The following TANC1 variants were observed in gnomAD, a reference collection of about 807,000 sequenced individuals.
TANC1 encodes the protein tetratricopeptide repeat, ankyrin repeat and coiled-coil containing 1.
In TANC1, 77 loss-of-function variants were observed where a neutral mutation model predicts 149.7. That is an observed-to-expected ratio of 0.51 (90% CI 0.43 to 0.62). TANC1 has a LOEUF of 0.62. Ranked by LOEUF, TANC1 falls within the 20% of genes least tolerant of loss-of-function variation. The probability of loss-of-function intolerance (pLI) is 0.00; values close to 1 mark genes in which losing one functional copy is unlikely to be tolerated. For missense variants in TANC1, 1,985 were observed against 2,321.8 expected, an observed-to-expected ratio of 0.85 and a Z score of 2.98; for synonymous variants, 854 against 925.0, an observed-to-expected ratio of 0.92 and a Z score of 1.39.
chr2:159,010,228 A>G (rs998152957), intron 2 of TANC1, among the ~76,000 whole-genome samples: 6 of 152,196 alleles, frequency 3.9e-5, no homozygotes, highest in Non-Finnish European at 8.8e-5. Flanking sequence ...CATTAGTAGT[A>G]AGATTCTTAT....
At chr2:159,161,969 C>T (rs1263330714) in intron 7 of TANC1, among the ~76,000 whole-genome samples, 1 of 152,224 alleles carries the variant, frequency 6.6e-6, no homozygotes, top group Non-Finnish European at 1.5e-5. Flanking sequence ...GCCATGGATA[C>T]TCTAGGGAAG....
At chr2:159,186,743 C>T (rs915131426) in intron 15 of TANC1, 159 bp from the exon 16 acceptor site, 4 of 824,220 alleles carry the variant, frequency 4.9e-6, no homozygotes, top group South Asian at 1.8e-5. Context: ...AGTGAAAGCT[C>T]GCATGTCCAG....
intron 2 of TANC1, among the ~76,000 whole-genome samples, chr2:159,027,918 C>T (rs78653432): frequency 0.018 from 2,761 of 152,196 alleles, 50 homozygotes; most frequent in Non-Finnish European, 0.03. Flanking sequence ...TATCACGCAG[C>T]GAGAGGGCAA....
At chr2:159,225,478 A>G in intron 23 of TANC1, 1 of 588,610 alleles carries the variant, frequency 1.7e-6, no homozygotes, top group South Asian at 2.1e-5. Context: ...TACTTTTTTC[A>G]GTAAAATAAC....
chr2:159,115,100 A>C (rs967516979), intron 4 of TANC1, among the ~76,000 whole-genome samples: 3 of 152,172 alleles, frequency 2.0e-5, no homozygotes, highest in South Asian at 2.1e-4. Context: ...AACAGTGAAG[A>C]CATTGAGGTG....
chr2:159,033,891 T>G (rs1298317237), intron 2 of TANC1, among the ~76,000 whole-genome samples: 4 of 152,208 alleles, frequency 2.6e-5, no homozygotes, highest in Non-Finnish European at 5.9e-5. Context: ...GTAGTTATCC[T>G]TGAATGCGTT....
chr2:159,017,120 C>T (rs1271479913), intron 2 of TANC1, among the ~76,000 whole-genome samples: 1 of 151,956 alleles, frequency 6.6e-6, no homozygotes, highest in Non-Finnish European at 1.5e-5. Flanking sequence ...TGATCTTTTC[C>T]CTTTTAGTCT....
chr2:159,188,517 C>T (rs200166192), intron 16 of TANC1, among the ~76,000 whole-genome samples: 17 of 152,374 alleles, frequency 1.1e-4, no homozygotes, highest in East Asian at 9.6e-4. Context: ...TGGCCAGCCG[C>T]AAGCTGTGGC....
In TANC1 at chr2:159,230,674, G is replaced by T; in HGVS notation, c.5248G>T (p.Glu1750Ter). Residue 1750 changes from glutamate to a stop codon, truncating the protein, a stop_gained, in exon 27 of 27, where the codon GAG (glutamate) becomes TAG (stop). Transcript: ENST00000263635. LOFTEE classifies it high-confidence loss of function. This position sits in a 1 kb window ranked among gnomAD's most constrained non-coding sequence, Gnocchi z 4.4. ...CCGCAGCTGGCACTGTCCGGCACCA[G>T]AGGGGCTGCTGACAAACACGTCTTC... Reference protein sequence around the residue: ...PSRSWHCPAPEGLLTNTSSAA... With the variant: ...PSRSWHCPAP 1 of 1,614,230 alleles carries T rather than the reference G, an allele frequency of 6.2e-7. No individual in the cohort carries two copies.
At position 159,232,504 on chromosome 2, in the gene TANC1, C is replaced by G. The variant is rs1461146004; in HGVS notation, c.*1492C>G. 6.6e-6 allele frequency: 1 copy of G among 152,592 alleles called. No individual in the cohort carries two copies. The highest frequency in any genetic ancestry group is 1.5e-5 in the Non-Finnish European group (1 of 68,006). 9.5% of individuals were successfully genotyped at this position (152,592 alleles called of 1,614,324 possible). The stretch of plus-strand genomic sequence containing the variant: ...TGTGTACAATTGTACTTTGTATGAA[C>G]AGCTTTATCATTTTTATAGGCTTTC... On this transcript the variant is annotated 3_prime_UTR_variant, in exon 27 of 27. Transcript: ENST00000263635.
intron 7 of TANC1, among the ~76,000 whole-genome samples, chr2:159,152,836 A>G (rs146477131): frequency 4.6e-5 from 7 of 152,272 alleles, no homozygotes; most frequent in Non-Finnish European, 8.8e-5. Context: ...TTTCTCTCTC[A>G]TTGAGATACA....
chr2:159,064,002 G>A (rs1395925357), intron 2 of TANC1, among the ~76,000 whole-genome samples: 5 of 152,138 alleles, frequency 3.3e-5, no homozygotes, highest in Non-Finnish European at 7.4e-5. Context: ...TGGTGCAAGG[G>A]ACCTTGCATG....
chr2:159,063,908 G>A (rs13010485), intron 2 of TANC1, among the ~76,000 whole-genome samples: 4,611 of 152,188 alleles, frequency 0.03, 103 homozygotes, highest in South Asian at 0.049. Context: ...GTGATTAATC[G>A]GGAGCAGCTC....
At chr2:159,211,195 G>A (rs2058960369) in intron 19 of TANC1, among the ~76,000 whole-genome samples, 2 of 152,180 alleles carry the variant, frequency 1.3e-5, no homozygotes, top group Admixed American at 6.5e-5. Flanking sequence ...TAAAATGAAC[G>A]TCTGCCATTA....
At chr2:159,207,725 A>AAAAAAAAAC (rs1559460731) in intron 19 of TANC1, among the ~76,000 whole-genome samples, 1 of 133,974 alleles carries the variant, frequency 7.5e-6, no homozygotes, top group African/African-American at 3.3e-5. Context: ...AAAAAAAAAA[A>AAAAAAAAAC]AACAACTCAG....
At chr2:159,006,563 T>A (rs182922731) in intron 2 of TANC1, among the ~76,000 whole-genome samples, 95 of 152,292 alleles carry the variant, frequency 6.2e-4, no homozygotes, top group Non-Finnish European at 1.1e-3. Context: ...TAAAGCTATT[T>A]CCATTATAAA....
chr2:159,108,779 AAC>A (rs2047436427), intron 4 of TANC1, among the ~76,000 whole-genome samples: 1 of 152,152 alleles, frequency 6.6e-6, no homozygotes, highest in Admixed American at 6.5e-5. Flanking sequence ...AACTAAGATG[AAC>A]ACAGAGTGGT....
intron 3 of TANC1, among the ~76,000 whole-genome samples, chr2:159,076,611 C>T (rs1263008362): frequency 6.6e-6 from 1 of 152,194 alleles, no homozygotes; most frequent in Non-Finnish European, 1.5e-5. Context: ...AACTTCTATC[C>T]ATGGCTGCAT....
At chr2:159,079,344 G>GTAT (rs1314087124) in intron 3 of TANC1, among the ~76,000 whole-genome samples, 1 of 62,190 alleles carries the variant, frequency 1.6e-5, no homozygotes, top group East Asian at 6.3e-4. Context: ...AAGTGTGTGT[G>GTAT]TCTTTTTTTT....
Sources: allele counts gnomAD v4.1 joint callset (sites outside exome capture counted in the v4.1 genomes callset), GRCh38; gene constraint gnomAD v4.1.1; non-coding constraint Gnocchi (gnomAD v3.1); transcripts MANE v1.5; gene names NCBI Gene and HGNC (gene_info 2026-07-23, HGNC 2026-07-21).